Variants in NPAS3 observed in about 807,000 individuals in gnomAD.
NPAS3 encodes the protein neuronal PAS domain protein 3.
Under a neutral mutation model 73.1 loss-of-function variants are expected in NPAS3, and 14 were observed. That is an observed-to-expected ratio of 0.19 (90% CI 0.13 to 0.30). NPAS3 has a LOEUF of 0.30. NPAS3 is among the 10% of genes least tolerant of loss of function. NPAS3 has a pLI of 1.00. For missense variants in NPAS3, 1,096 were observed against 1,250.0 expected, an observed-to-expected ratio of 0.88 and a Z score of 1.86; for synonymous variants, 620 against 541.5, an observed-to-expected ratio of 1.14 and a Z score of -2.01.
At chr14:33,526,543 T>C (rs545523512) in intron 4 of NPAS3, among the ~76,000 whole-genome samples, 1 of 151,880 alleles carries the variant, frequency 6.6e-6, no homozygotes, top group Non-Finnish European at 1.5e-5. Context: ...CACTGGTGAA[T>C]TAAACAGCTT....
At chr14:33,703,731 A>G (rs1229733530) in intron 6 of NPAS3, among the ~76,000 whole-genome samples, 2 of 152,172 alleles carry the variant, frequency 1.3e-5, no homozygotes, top group Admixed American at 1.3e-4. Flanking sequence ...GTGCCAGGCC[A>G]TATACATGTA....
At chr14:33,454,990 C>T (rs550647642) in intron 4 of NPAS3, among the ~76,000 whole-genome samples, 160 of 152,266 alleles carry the variant, frequency 1.1e-3, no homozygotes, top group African/African-American at 3.8e-3. Flanking sequence ...TGGCACCCGG[C>T]GCTGGCTTCC....
At chr14:33,651,602 C>T (rs1038964115) in intron 5 of NPAS3, among the ~76,000 whole-genome samples, 2 of 152,092 alleles carry the variant, frequency 1.3e-5, no homozygotes, top group African/African-American at 4.8e-5. Flanking sequence ...TAGTCCAGCT[C>T]TGTCACTAAT....
intron 1 of NPAS3, among the ~76,000 whole-genome samples, chr14:33,024,274 C>T (rs1419121130): frequency 2.0e-5 from 3 of 151,786 alleles, no homozygotes; most frequent in African/African-American, 7.3e-5. Flanking sequence ...TGGGTTCAAG[C>T]AATTCTCCTG....
intron 7 of NPAS3, among the ~76,000 whole-genome samples, chr14:33,752,906 T>C (rs2062005652): frequency 6.6e-6 from 1 of 152,154 alleles, no homozygotes; most frequent in Non-Finnish European, 1.5e-5. Context: ...TCACCCATAA[T>C]ATGGGCACTT....
intron 4 of NPAS3, among the ~76,000 whole-genome samples, chr14:33,501,593 T>G (rs2139916880): frequency 6.6e-6 from 1 of 151,992 alleles, no homozygotes; most frequent in African/African-American, 2.4e-5. Flanking sequence ...TTCCTATTTC[T>G]TGTTTTATAT....
chr14:33,528,768 C>T (rs988596058), intron 4 of NPAS3, among the ~76,000 whole-genome samples: 3 of 152,088 alleles, frequency 2.0e-5, no homozygotes, highest in African/African-American at 4.8e-5. Context: ...ATTGATGTCA[C>T]AGAAAACTTA....
chr14:33,114,210 A>G (rs1405525848), intron 2 of NPAS3, among the ~76,000 whole-genome samples: 1 of 151,904 alleles, frequency 6.6e-6, no homozygotes, highest in African/African-American at 2.4e-5. Context: ...TAATTTTTGT[A>G]TTTTTAGTAG....
In NPAS3 at chr14:33,462,868, A is replaced by G. The variant is rs141680562; in HGVS notation, c.468+95600A>G. 2.8e-3 allele frequency among the ~76,000 whole-genome samples: 421 copies of G among 152,328 alleles called. 2 individuals are homozygous for G. Among genetic ancestry groups the G allele is most frequent in the Middle Eastern group, 0.014 (4 of 294 alleles). On this transcript the variant is annotated intron_variant, in intron 4 of 11. Coordinates refer to ENST00000356141, the Ensembl canonical transcript of NPAS3. ...GAAAATGGAGATATTACCACTGGTTATCTTATTGAGCTGATAAAAGGGTGA... is the reference window on the plus strand; with the variant it reads ...GAAAATGGAGATATTACCACTGGTTGTCTTATTGAGCTGATAAAAGGGTGA...
chr14:33,726,021 A>C (rs1477488998), intron 6 of NPAS3, among the ~76,000 whole-genome samples: 4 of 151,884 alleles, frequency 2.6e-5, no homozygotes, highest in African/African-American at 9.7e-5. Flanking sequence ...TCAAAGGCTC[A>C]CCTCTCCTTC....
intron 4 of NPAS3, among the ~76,000 whole-genome samples, chr14:33,473,362 G>A (rs188058461): frequency 1.6e-3 from 242 of 152,290 alleles, no homozygotes; most frequent in African/African-American, 5.2e-3. Flanking sequence ...GCAAGTCCTA[G>A]TTAAAAGATG....
intron 4 of NPAS3, among the ~76,000 whole-genome samples, chr14:33,515,541 T>C (rs2053256589): frequency 6.6e-6 from 1 of 152,096 alleles, no homozygotes; most frequent in Admixed American, 6.6e-5. Context: ...GTAAGTATTG[T>C]CTGTGCCGCT....
chr14:33,162,147 C>T (rs1340234696), intron 2 of NPAS3, among the ~76,000 whole-genome samples: 4 of 152,294 alleles, frequency 2.6e-5, no homozygotes, highest in East Asian at 1.9e-4. Context: ...CCTGCTTATA[C>T]GGTCATCTGT....
intron 2 of NPAS3, among the ~76,000 whole-genome samples, chr14:33,103,074 G>C (rs763419556): frequency 6.6e-5 from 10 of 152,126 alleles, no homozygotes; most frequent in Admixed American, 1.3e-4. Context: ...TAAGTTAAAA[G>C]AAAAGTATAC....
intron 1 of NPAS3, among the ~76,000 whole-genome samples, chr14:33,046,122 C>T (rs932733164): frequency 4.6e-5 from 7 of 152,118 alleles, no homozygotes; most frequent in Non-Finnish European, 1.0e-4. Context: ...GTAAAAGTCA[C>T]GAGCTTGGTA....
intron 7 of NPAS3, among the ~76,000 whole-genome samples, chr14:33,761,835 T>A (rs1036933809): frequency 6.6e-6 from 1 of 152,208 alleles, no homozygotes; most frequent in Non-Finnish European, 1.5e-5. Flanking sequence ...TCATTCCACA[T>A]AGAAGATCCT....
At chr14:33,131,050 T>C (rs768304654) in intron 2 of NPAS3, among the ~76,000 whole-genome samples, 1 of 152,158 alleles carries the variant, frequency 6.6e-6, no homozygotes, top group Non-Finnish European at 1.5e-5. Flanking sequence ...CTTTATTATC[T>C]GGCCCAAGTA....
chr14:33,118,694 T>C (rs969327717), intron 2 of NPAS3, among the ~76,000 whole-genome samples: 2 of 152,096 alleles, frequency 1.3e-5, no homozygotes, highest in Non-Finnish European at 2.9e-5. Context: ...ATGAATTGTT[T>C]ATTTTTGGAG....
chr14:32,998,963 A>G (rs888130313), intron 1 of NPAS3, among the ~76,000 whole-genome samples: 1 of 152,130 alleles, frequency 6.6e-6, no homozygotes, highest in Non-Finnish European at 1.5e-5. Context: ...GCCTCTTCCC[A>G]TCATCACACT....
Sources: allele counts gnomAD v4.1 joint callset (sites outside exome capture counted in the v4.1 genomes callset), GRCh38; gene constraint gnomAD v4.1.1; transcripts MANE v1.5; gene names NCBI Gene and HGNC (gene_info 2026-07-23, HGNC 2026-07-21).